ZNF831: variants seen among roughly 807,000 people sequenced by gnomAD.
The protein encoded by ZNF831 is chromosome 20 open reading frame 174.
ZNF831 carries 59 observed loss-of-function variants against 95.8 expected under a neutral mutation model. That is an observed-to-expected ratio of 0.62 (90% CI 0.50 to 0.77). ZNF831 has a LOEUF of 0.77. Ranked by LOEUF, ZNF831 falls within the 30% of genes least tolerant of loss-of-function variation. The probability of loss-of-function intolerance (pLI) is 0.00; values close to 1 mark genes in which losing one functional copy is unlikely to be tolerated. For synonymous variants in ZNF831, 961 were observed against 925.5 expected (o/e 1.04, Z -0.70); for missense variants, 2,205 against 2,164.0 (o/e 1.02, Z -0.38).
At chr20:59,230,840 A>G (rs1321305102) in intron 4 of ZNF831, among the ~76,000 whole-genome samples, 4 of 152,224 alleles carry the variant, frequency 2.6e-5, no homozygotes, top group Non-Finnish European at 4.4e-5. Context: ...CACTCTCATG[A>G]AGACTGAAAA....
chr20:59,138,054 A>G (rs987352085), intron 1 of ZNF831, among the ~76,000 whole-genome samples: 8 of 152,252 alleles, frequency 5.3e-5, no homozygotes, highest in African/African-American at 1.7e-4. Flanking sequence ...TAATGCTGAG[A>G]CACAGTAATG....
chr20:59,207,689 C>A (rs1984996768), intron 4 of ZNF831, among the ~76,000 whole-genome samples: 1 of 152,204 alleles, frequency 6.6e-6, no homozygotes, highest in Non-Finnish European at 1.5e-5. Flanking sequence ...CTCTTCCTTT[C>A]TCCCCTCTCC....
chr20:59,133,725 C>A (rs1209985303), intron 1 of ZNF831, among the ~76,000 whole-genome samples: 1 of 152,198 alleles, frequency 6.6e-6, no homozygotes, highest in African/African-American at 2.4e-5. Context: ...CATCTCCCTG[C>A]ATTCTGTCAT....
rs530705123 is a variant in ZNF831, at chr20:59,236,121, G to A, written c.4028-16857G>A. 8.5e-5 allele frequency among the ~76,000 whole-genome samples: 13 copies of A among 152,248 alleles called. 1 individual carries two copies. Among genetic ancestry groups the A allele is most frequent in the African/African-American group, 2.9e-4 (12 of 41,550 alleles). On this transcript the variant is annotated intron_variant, in intron 4 of 5. Coordinates refer to ENST00000371030, the MANE Select transcript of ZNF831 (RefSeq NM_178457.3). ...CCTCCCAAGTGTGTCTGACATCCTC[G>A]TAAATTCATTCTTCCTTCCTGTTCT...
chr20:59,180,774 C>T (rs562632293), intron 1 of ZNF831, among the ~76,000 whole-genome samples: 46 of 152,310 alleles, frequency 3.0e-4, no homozygotes, highest in Middle Eastern at 3.4e-3. Flanking sequence ...CAGTCTATCA[C>T]TGATGGGCAT....
At chr20:59,157,059 A>G (rs1236527162) in intron 2 of ZNF831, among the ~76,000 whole-genome samples, 1 of 152,188 alleles carries the variant, frequency 6.6e-6, no homozygotes, top group Non-Finnish European at 1.5e-5. Flanking sequence ...AGCATTTATC[A>G]TCTCTTTGTG....
intron 2 of ZNF831, among the ~76,000 whole-genome samples, chr20:59,156,820 G>A (rs77882141): frequency 0.092 from 13,937 of 152,252 alleles, 754 homozygotes; most frequent in Non-Finnish European, 0.12. Flanking sequence ...GGGCCCCTCT[G>A]TGTTGTTGCA....
rs1461156920 is a variant in ZNF831, at chr20:59,148,319, G to A, written c.-1281+1945G>A. Reference sequence around the variant, plus strand: ...GGGTGCACATGAGCTCTGAGGACCAGTGGCAAAGTCCCTGTTCAGTCCTTG... The same window carrying A: ...GGGTGCACATGAGCTCTGAGGACCAATGGCAAAGTCCCTGTTCAGTCCTTG... On this transcript the variant is annotated intron_variant, in intron 2 of 7. Transcript: ENST00000637017. Among the ~76,000 whole-genome samples, 3 of 152,264 alleles carry A rather than the reference G, an allele frequency of 2.0e-5. No homozygotes were observed. The East Asian group carries it at 5.8e-4, about 29-fold the overall frequency.
intron 1 of ZNF831, among the ~76,000 whole-genome samples, chr20:59,143,386 C>T (rs1251628110): frequency 1.3e-5 from 2 of 152,186 alleles, no homozygotes; most frequent in African/African-American, 4.8e-5. Context: ...AGTGTGAGTC[C>T]CGTTCAGAGT....
rs756594900 is a variant in ZNF831, at chr20:59,191,808, C to T, written c.789C>T (p.Thr263=). Residue 263 remains threonine (T), a synonymous_variant, in exon 2 of 6, where the codon ACC becomes ACT. Coordinates refer to ENST00000371030, the MANE Select transcript of ZNF831 (RefSeq NM_178457.3). ...TTGCCAAGAACCTGGATGTGAGGAC[C>T]GAAGCTGCTCCCTGTCCAGGGTCCG... is the stretch of plus-strand genomic sequence containing the variant. ...PLLAKNLDVR[T]EAAPCPGSAF... 1.9e-6 allele frequency: 3 copies of T among 1,613,330 alleles called. No individual in the cohort carries two copies. Among genetic ancestry groups the T allele is most frequent in the Non-Finnish European group, 2.5e-6 (3 of 1,179,938 alleles).
intron 1 of ZNF831, among the ~76,000 whole-genome samples, chr20:59,137,452 A>G (rs1260719705): frequency 6.6e-6 from 1 of 152,062 alleles, no homozygotes; most frequent in African/African-American, 2.4e-5. Context: ...GAGGTGGTCA[A>G]CTTCAAACTC....
intron 2 of ZNF831, among the ~76,000 whole-genome samples, chr20:59,158,194 C>T (rs925537220): frequency 2.0e-5 from 3 of 152,162 alleles, no homozygotes; most frequent in Admixed American, 1.3e-4. Flanking sequence ...TGGCCCGTGG[C>T]GACAGGGAGC....
At chr20:59,153,593 G>T (rs535553664) in intron 2 of ZNF831, among the ~76,000 whole-genome samples, 7 of 151,042 alleles carry the variant, frequency 4.6e-5, no homozygotes, top group Admixed American at 4.6e-4. Context: ...CAATGGTTCC[G>T]GGGGCTCACC....
In ZNF831 at chr20:59,191,841, C is replaced by A. The variant is rs770614203; in HGVS notation, c.822C>A (p.Ala274=). The A allele has an allele frequency of 6.2e-7, 1 of 1,613,466 alleles. No individual in the cohort carries two copies. The highest frequency in any genetic ancestry group is 8.5e-7 in the Non-Finnish European group (1 of 1,179,984). ...CTCCCTGTCCAGGGTCCGCATTTGCCGACAGAGAGGCTCCTTGGGACTCTG... is the reference window on the plus strand; with the variant it reads ...CTCCCTGTCCAGGGTCCGCATTTGCAGACAGAGAGGCTCCTTGGGACTCTG... The part of the protein sequence containing the change: ...EAAPCPGSAF[A]DREAPWDSAP... The change falls in exon 2 of 6, where the codon GCC becomes GCA. Residue 274 remains alanine (A), a synonymous_variant. Coordinates refer to ENST00000371030, the MANE Select transcript of ZNF831 (RefSeq NM_178457.3).
rs902447376 is a variant in ZNF831, at chr20:59,244,870, T to A, written c.4028-8108T>A. Among the ~76,000 whole-genome samples, 3 of 152,234 alleles carry A rather than the reference T, an allele frequency of 2.0e-5. No homozygotes were observed. In the East Asian group the frequency reaches 5.8e-4, roughly 29 times the overall value. On this transcript the variant is annotated intron_variant, in intron 4 of 5. Coordinates refer to ENST00000371030, the MANE Select transcript of ZNF831 (RefSeq NM_178457.3). Reference sequence around the variant, plus strand: ...ATTTATCTGTTCATCCCTTCCTTTATTGATGGATGTTTATGTTGATGCCTA... The same window carrying A: ...ATTTATCTGTTCATCCCTTCCTTTAATGATGGATGTTTATGTTGATGCCTA...
At chr20:59,138,333 C>T (rs1568722356) in intron 1 of ZNF831, among the ~76,000 whole-genome samples, 1 of 150,692 alleles carries the variant, frequency 6.6e-6, no homozygotes, top group East Asian at 1.9e-4. Flanking sequence ...TCCCCGCTTT[C>T]CATGGTGCTG....
intron 1 of ZNF831, among the ~76,000 whole-genome samples, chr20:59,166,613 C>T (rs147890217): frequency 3.8e-4 from 58 of 152,108 alleles, no homozygotes; most frequent in Non-Finnish European, 4.4e-4. Flanking sequence ...CAAGCAATCA[C>T]TAGTCTGTCC....
intron 1 of ZNF831, among the ~76,000 whole-genome samples, chr20:59,135,113 A>C (rs1281006934): frequency 6.6e-6 from 1 of 152,204 alleles, no homozygotes; most frequent in African/African-American, 2.4e-5. Context: ...AAAATAAGCC[A>C]CAGAGAAGGG....
At chr20:59,223,249 G>A (rs192240620) in intron 4 of ZNF831, among the ~76,000 whole-genome samples, 8 of 152,218 alleles carry the variant, frequency 5.3e-5, no homozygotes, top group Non-Finnish European at 1.0e-4. Flanking sequence ...CTCTCTGTCC[G>A]CAGGGATGTA....
Sources: gnomAD v4.1 joint callset for allele counts (sites outside exome capture counted in the v4.1 genomes callset) on GRCh38, gnomAD v4.1.1 for gene constraint, MANE v1.5 for transcripts, NCBI Gene and HGNC (gene_info 2026-07-23, HGNC 2026-07-21) for gene names.